CENPE: variants seen among roughly 807,000 people sequenced by gnomAD.
CENPE encodes centromere protein E.
In CENPE, 145 loss-of-function variants were observed where a neutral mutation model predicts 336.1. The observed-to-expected ratio is 0.43, with a 90% CI of 0.38 to 0.50. CENPE has a LOEUF of 0.50. Among genes scored for constraint, CENPE ranks in the 20% least tolerant of loss-of-function variants. CENPE has a pLI of 0.00. For missense variants in CENPE, 2,719 were observed against 3,023.3 expected (o/e 0.90, Z 2.36); for synonymous variants, 1,013 against 984.8 (o/e 1.03, Z -0.54).
At chr4:103,161,490 C>A in intron 18 of CENPE, 33 bp from the exon 19 acceptor site, 1 of 1,523,744 alleles carries the variant, frequency 6.6e-7, no homozygotes. Context: ...TCACTGAAAT[C>A]TAATTTTCAC....
Position 103,120,183 on chromosome 4 carries a change from G to A in CENPE, c.7294C>T (p.Leu2432Phe), listed in dbSNP as rs142518565. 171 of 1,602,336 alleles carry A rather than the reference G, an allele frequency of 1.1e-4. No homozygotes were observed. In the African/African-American group the frequency reaches 2.2e-3, roughly 20 times the overall value. Residue 2432 changes from leucine to phenylalanine, a missense_variant, in exon 44 of 49, where the codon CTT (leucine) becomes TTT (phenylalanine). By Grantham distance (22) the Leu-to-Phe change is conservative. Around this residue, in one of 5 missense-constraint regions of CENPE, gnomAD observed 2,437 missense variants for 2,513.3 expected, o/e 0.97. Transcript: ENST00000265148. ...QAKVHESNKC[L>F]EKTKETIQVL... ...TGAATTGTCTCTTTTGTTTTTTCAA[G>A]GCATTTATTTGATTCATGAACTTTG... is the stretch of plus-strand genomic sequence containing the variant.
rs199633520 is a variant in CENPE at position 103,159,367 on chromosome 4, A to C, written c.2287-43T>G. 3.2e-3 allele frequency: 3,628 copies of C among 1,142,710 alleles called. 11 individuals carry two copies. Among genetic ancestry groups the C allele is most frequent in the Non-Finnish European group, 3.8e-3 (3,241 of 860,260 alleles). The allele number at this position is 1,142,710 out of a possible 1,614,324, so 70.8% of individuals were successfully genotyped here. On this transcript the variant is annotated intron_variant, in intron 21 of 48. Transcript: ENST00000265148. ...AATTTAGGGATGTTAGCAACATATG[A>C]TTCACTGAAGCAATTTTTAGGAAAA... is the stretch of plus-strand genomic sequence containing the variant.
intron 8 of CENPE, among the ~76,000 whole-genome samples, chr4:103,192,055 T>G (rs1401977950): frequency 1.3e-5 from 2 of 151,800 alleles, no homozygotes; most frequent in Non-Finnish European, 2.9e-5. Flanking sequence ...TTGTTTATTG[T>G]TTTTTTAATC....
Position 103,196,048 on chromosome 4 carries a change from A to G in CENPE, c.239-10T>C. The G allele has an allele frequency of 6.2e-7, 1 of 1,602,176 alleles. No homozygotes were observed. The highest frequency in any genetic ancestry group is 1.1e-5 in the South Asian group (1 of 90,788). ...TAGGCAAATATAGTACCTGCAAAAA[A>G]CAAAACACACATACGCAAAGATTAA... On this transcript the variant is annotated splice_polypyrimidine_tract_variant and intron_variant, in intron 3 of 48. Transcript: ENST00000265148.
At chr4:103,120,078 G>A (rs1002659960) in intron 44 of CENPE, 70 bp downstream of exon 44, 10 of 1,105,028 alleles carry the variant, frequency 9.0e-6, no homozygotes, top group African/African-American at 1.6e-5. Context: ...AGAGCACAAG[G>A]AGATTTGCTG....
intron 11 of CENPE, among the ~76,000 whole-genome samples, chr4:103,182,250 T>C (rs184523232): frequency 8.6e-4 from 131 of 152,226 alleles, no homozygotes; most frequent in African/African-American, 3.0e-3. Flanking sequence ...TGCTACCACA[T>C]CTGGCTAATT....
At position 103,158,804 on chromosome 4, in the gene CENPE, T is replaced by A. The variant is rs1754176947; in HGVS notation, c.2684A>T (p.Gln895Leu). 18 of 1,613,260 alleles carry A rather than the reference T, an allele frequency of 1.1e-5. No homozygotes were observed. The highest frequency in any genetic ancestry group is 1.4e-5 in the Non-Finnish European group (17 of 1,179,504). ...RLNEMEQLKEQLENRDSTLQT... is the reference protein window; with the variant it reads ...RLNEMEQLKELLENRDSTLQT... The stretch of plus-strand genomic sequence containing the variant: ...CAGCGTAGAATCTCTATTTTCTAAT[T>A]GTTCCTTCAGCTGTTCCATCTCATT... The change falls in exon 23 of 49, where the codon CAA (glutamine) becomes CTA (leucine). Residue 895 changes from glutamine (Q) to leucine (L), a missense_variant. Physicochemically the swap from Gln to Leu is moderately radical, Grantham distance 113. Transcript: ENST00000265148.
intron 42 of CENPE, among the ~76,000 whole-genome samples, chr4:103,127,695 A>G (rs1751252109): frequency 1.3e-5 from 2 of 152,174 alleles, no homozygotes; most frequent in Admixed American, 1.3e-4. Context: ...TGAAGTGGAA[A>G]GTGTTATTTG....
At chr4:103,194,755 A>G in intron 5 of CENPE, 71 bp from the exon 6 acceptor site, 1 of 1,134,358 alleles carries the variant, frequency 8.8e-7, no homozygotes, top group Non-Finnish European at 1.3e-6. Flanking sequence ...AAGAAGGTGC[A>G]AACTATTATA....
At chr4:103,187,645 G>A (rs1756905841) in intron 8 of CENPE, among the ~76,000 whole-genome samples, 1 of 152,270 alleles carries the variant, frequency 6.6e-6, no homozygotes, top group Non-Finnish European at 1.5e-5. Context: ...GCTCCTGAAG[G>A]AAGCACTAAA....
At chr4:103,189,071 C>T (rs1206834993) in intron 8 of CENPE, among the ~76,000 whole-genome samples, 2 of 152,158 alleles carry the variant, frequency 1.3e-5, no homozygotes, top group African/African-American at 4.8e-5. Flanking sequence ...TGGACACATA[C>T]ACCCTCCCAA....
intron 42 of CENPE, among the ~76,000 whole-genome samples, chr4:103,126,331 A>G (rs568475960): frequency 4.6e-5 from 7 of 152,252 alleles, no homozygotes; most frequent in South Asian, 2.1e-4. Flanking sequence ...ACCAGAGCCT[A>G]ACATGCTGGG....
chr4:103,153,023 C>A, intron 25 of CENPE, 24 bp downstream of exon 25: 1 of 1,531,724 alleles, frequency 6.5e-7, no homozygotes, highest in South Asian at 1.2e-5. Flanking sequence ...AAGGTAATGC[C>A]AAGTATACAG....
intron 24 of CENPE, among the ~76,000 whole-genome samples, chr4:103,156,113 T>C (rs138017925): frequency 2.4e-4 from 36 of 152,316 alleles, no homozygotes; most frequent in Non-Finnish European, 4.4e-4. Flanking sequence ...TGGTAAGACA[T>C]CCCATGTTCA....
chr4:103,194,782 G>A (rs1288319263), intron 5 of CENPE, 98 bp from the exon 6 acceptor site: 12 of 852,628 alleles, frequency 1.4e-5, no homozygotes, highest in Non-Finnish European at 2.1e-5. Context: ...ATTTGTGAAA[G>A]TTAAAAGTGG....
At chr4:103,134,581 C>T (rs113513200) in intron 40 of CENPE, among the ~76,000 whole-genome samples, 1 of 143,784 alleles carries the variant, frequency 7.0e-6, no homozygotes, top group East Asian at 2.1e-4. Flanking sequence ...TGCAGTGAGC[C>T]GAGATCATCA....
At chr4:103,143,810 A>T (rs1354104964) in intron 33 of CENPE, among the ~76,000 whole-genome samples, 1 of 152,258 alleles carries the variant, frequency 6.6e-6, no homozygotes. Context: ...AAATGTGTGG[A>T]GGATAGTTAC....
At chr4:103,132,078 G>A (rs1201916388) in intron 42 of CENPE, among the ~76,000 whole-genome samples, 4 of 152,124 alleles carry the variant, frequency 2.6e-5, no homozygotes, top group African/African-American at 9.7e-5. Context: ...TGCCAAGTGT[G>A]AACCCTAATG....
Position 103,143,195 on chromosome 4 carries a change from C to T in CENPE, c.5304+53G>A, listed in dbSNP as rs1193837188. The stretch of plus-strand genomic sequence containing the variant: ...GTAATTCATATCTTGTTTCATTACA[C>T]AAAAAGTTTGATTCAAACTCTCAGT... On this transcript the variant is annotated intron_variant, in intron 34 of 48. Coordinates refer to ENST00000265148, the MANE Select transcript of CENPE (RefSeq NM_001813.3). 9.8e-6 allele frequency: 13 copies of T among 1,327,564 alleles called. No homozygotes were observed. In the South Asian group the frequency reaches 1.1e-4, roughly 11 times the overall value. 82.2% of individuals were successfully genotyped at this position (1,327,564 alleles called of 1,614,324 possible). A position where few individuals can be genotyped will look rare whatever the true frequency, so the allele number is the denominator to read the frequency against.
Sources: allele counts gnomAD v4.1 joint callset (sites outside exome capture counted in the v4.1 genomes callset), GRCh38; gene constraint gnomAD v4.1.1; regional missense constraint gnomAD v4.1.1; transcripts MANE v1.5; gene names NCBI Gene and HGNC (gene_info 2026-07-23, HGNC 2026-07-21).